The following MRPL1 variants were observed in gnomAD, a reference collection of about 807,000 sequenced individuals.
MRPL1 encodes mitochondrial ribosomal protein L1.
In MRPL1, 28 loss-of-function variants were observed where a neutral mutation model predicts 38.0. That is an observed-to-expected ratio of 0.74 (90% CI 0.55 to 1.01). The LOEUF is 1.01. Among genes scored for constraint, MRPL1 ranks in the 50% least tolerant of loss-of-function variants. MRPL1 has a pLI of 0.00. For synonymous variants in MRPL1, 123 were observed against 126.7 expected (o/e 0.97, Z 0.20); for missense variants, 358 against 389.8 (o/e 0.92, Z 0.69).
intron 2 of MRPL1, among the ~76,000 whole-genome samples, chr4:77,872,641 G>A (rs1465479488): frequency 6.6e-6 from 1 of 152,134 alleles, no homozygotes; most frequent in Admixed American, 6.5e-5. Flanking sequence ...GAGGCGGGTG[G>A]ATCACGAAGT....
At chr4:77,929,825 C>T (rs1231879249) in intron 7 of MRPL1, among the ~76,000 whole-genome samples, 1 of 151,306 alleles carries the variant, frequency 6.6e-6, no homozygotes, top group Non-Finnish European at 1.5e-5. Flanking sequence ...CCCTTAAAGT[C>T]TAAAATGTTT....
intron 7 of MRPL1, among the ~76,000 whole-genome samples, chr4:77,929,413 T>TA (rs1040486867): frequency 5.9e-5 from 9 of 151,914 alleles, no homozygotes; most frequent in African/African-American, 1.4e-4. Context: ...GTATTACATC[T>TA]AAAAAAAATA....
At chr4:77,930,740 G>A (rs1203007860) in intron 7 of MRPL1, among the ~76,000 whole-genome samples, 3 of 152,152 alleles carry the variant, frequency 2.0e-5, no homozygotes, top group African/African-American at 7.2e-5. Flanking sequence ...TGCATTTGGT[G>A]GCAGGCTTTA....
intron 7 of MRPL1, among the ~76,000 whole-genome samples, chr4:77,931,087 T>C (rs1294933647): frequency 6.6e-6 from 1 of 152,236 alleles, no homozygotes; most frequent in Non-Finnish European, 1.5e-5. Context: ...CTTTGTATAA[T>C]ATGTGGTGAC....
At chr4:77,939,523 C>A (rs554571139) in intron 7 of MRPL1, among the ~76,000 whole-genome samples, 61 of 152,172 alleles carry the variant, frequency 4.0e-4, no homozygotes, top group Non-Finnish European at 7.9e-4. Flanking sequence ...TCTTTTGCTG[C>A]GCAGAAGCTT....
intron 8 of MRPL1, 77 bp from the exon 9 acceptor site, chr4:77,952,412 G>A: frequency 1.0e-6 from 1 of 984,530 alleles, no homozygotes; most frequent in South Asian, 1.4e-5. Flanking sequence ...ACAATATTAA[G>A]TGAGGACCTA....
In MRPL1 at chr4:77,873,534, T is replaced by G. The variant is rs924508379; in HGVS notation, c.143+1679T>G. ...AAAATGAAAACTAAAGGGTAGAAAG[T>G]TTTTGCTGACTGTAAATTTTCACTT... On this transcript the variant is annotated intron_variant, in intron 2 of 8. Coordinates refer to ENST00000315567, the MANE Select transcript of MRPL1 (RefSeq NM_020236.4). Among the ~76,000 whole-genome samples, 3 of 152,206 alleles carry G rather than the reference T, an allele frequency of 2.0e-5. 1 individual carries two copies. Among genetic ancestry groups the G allele is most frequent in the Non-Finnish European group, 4.4e-5 (3 of 68,038 alleles).
chr4:77,938,632 A>G (rs954457633), intron 7 of MRPL1, among the ~76,000 whole-genome samples: 3 of 152,152 alleles, frequency 2.0e-5, no homozygotes, highest in East Asian at 3.9e-4. Flanking sequence ...GTATCCCATA[A>G]AAATCCAGAT....
intron 7 of MRPL1, among the ~76,000 whole-genome samples, chr4:77,921,336 A>G (rs533896402): frequency 7.9e-5 from 12 of 152,258 alleles, no homozygotes; most frequent in Non-Finnish European, 1.6e-4. Context: ...AAATAAATAT[A>G]TATGTACTTA....
intron 6 of MRPL1, among the ~76,000 whole-genome samples, chr4:77,904,381 C>G (rs1362350935): frequency 6.6e-6 from 1 of 151,636 alleles, no homozygotes; most frequent in Non-Finnish European, 1.5e-5. Context: ...TGGTGAAACC[C>G]CATCTCTACT....
intron 7 of MRPL1, among the ~76,000 whole-genome samples, chr4:77,917,247 C>T (rs1441533005): frequency 6.6e-6 from 1 of 152,052 alleles, no homozygotes; most frequent in Non-Finnish European, 1.5e-5. Flanking sequence ...TACCATAGAC[C>T]GTTTCTGACT....
chr4:77,944,808 C>T (rs936896048), intron 7 of MRPL1, among the ~76,000 whole-genome samples: 5 of 152,134 alleles, frequency 3.3e-5, no homozygotes, highest in African/African-American at 1.2e-4. Context: ...TTGTGTTTCT[C>T]AGACAACTGA....
At chr4:77,918,051 C>T (rs1303980367) in intron 7 of MRPL1, among the ~76,000 whole-genome samples, 1 of 123,584 alleles carries the variant, frequency 8.1e-6, no homozygotes, top group Non-Finnish European at 1.6e-5. Context: ...GAGACTTCAT[C>T]TCAAAAAAAA....
At chr4:77,885,060 A>G (rs1417884848) in intron 3 of MRPL1, among the ~76,000 whole-genome samples, 196 bp from the exon 4 acceptor site, 1 of 152,196 alleles carries the variant, frequency 6.6e-6, no homozygotes, top group East Asian at 1.9e-4. Context: ...AAAAAAAATA[A>G]TCTGTTGTGC....
At chr4:77,940,208 A>G (rs1481974949) in intron 7 of MRPL1, among the ~76,000 whole-genome samples, 1 of 152,070 alleles carries the variant, frequency 6.6e-6, no homozygotes, top group Non-Finnish European at 1.5e-5. Context: ...GGTGTTGTCT[A>G]TGATTTCTTT....
intron 6 of MRPL1, among the ~76,000 whole-genome samples, chr4:77,906,120 C>T (rs1008699352): frequency 6.6e-6 from 1 of 152,170 alleles, no homozygotes; most frequent in Non-Finnish European, 1.5e-5. Flanking sequence ...TGAGGTAGTT[C>T]AACCTTTGGA....
rs142452181 is a variant in MRPL1, at chr4:77,895,298, C to G, written c.670+1048C>G. Among the ~76,000 whole-genome samples, 74 of 152,136 alleles carry G rather than the reference C, an allele frequency of 4.9e-4. No homozygotes were observed. The East Asian group carries it at 0.012, about 25-fold the overall frequency. On this transcript the variant is annotated intron_variant, in intron 6 of 8. Transcript: ENST00000315567. ...TTAAGCTAAGGTCTTCATAACGAGA[C>G]TGGAGTGAAATGTATAAATGTCAAG...
chr4:77,931,628 G>T (rs1470946970), intron 7 of MRPL1, among the ~76,000 whole-genome samples: 3 of 152,200 alleles, frequency 2.0e-5, no homozygotes, highest in Admixed American at 2.0e-4. Context: ...CATTACCACA[G>T]CTGCAGAACT....
chr4:77,948,139 A>G (rs912681782), intron 7 of MRPL1, among the ~76,000 whole-genome samples: 1 of 152,200 alleles, frequency 6.6e-6, no homozygotes, highest in Non-Finnish European at 1.5e-5. Flanking sequence ...TAACTGTTTA[A>G]AAAGATAGGT....
Sources: allele counts gnomAD v4.1 joint callset (sites outside exome capture counted in the v4.1 genomes callset), GRCh38; gene constraint gnomAD v4.1.1; transcripts MANE v1.5; gene names NCBI Gene and HGNC (gene_info 2026-07-23, HGNC 2026-07-21).